TRHDE: variants seen among roughly 807,000 people sequenced by gnomAD.
The protein encoded by TRHDE is thyrotropin-releasing hormone-degrading ectoenzyme.
A neutral mutation model predicts 125.7 loss-of-function variants in TRHDE; 72 were observed. The observed-to-expected ratio is 0.57, with a 90% confidence interval of 0.47 to 0.70. The LOEUF (loss-of-function observed/expected upper bound fraction) is 0.70, where lower values mean the gene tolerates loss of function less well. Ranked by LOEUF, TRHDE falls within the 30% of genes least tolerant of loss-of-function variation. The pLI is 0.00. For synonymous variants in TRHDE, 509 were observed against 509.1 expected (o/e 1.00, Z 0.00); for missense variants, 1,110 against 1,327.1 (o/e 0.84, Z 2.54).
intron 3 of TRHDE, among the ~76,000 whole-genome samples, chr12:72,407,411 C>T (rs1014886039): frequency 2.0e-5 from 3 of 152,126 alleles, no homozygotes; most frequent in Non-Finnish European, 4.4e-5. Context: ...CAGCAAGAGA[C>T]GTGGAGCATT....
chr12:72,164,066 C>T lies in TRHDE; in HGVS notation n.279+58314C>T, dbSNP rs74418480. ...GTGGAGGTTGCAGTGAGCAGAGATC[C>T]GCCACTGCACTCCATCCTGGGTAAC... On this transcript the variant is annotated intron_variant and non_coding_transcript_variant, in intron 2 of 4. Transcript: ENST00000548156. 1.6e-3 allele frequency among the ~76,000 whole-genome samples: 244 copies of T among 152,188 alleles called. 3 individuals are homozygous for T. In the East Asian group the frequency reaches 0.03, roughly 19 times the overall value.
chr12:72,272,986 G>A lies in TRHDE; in HGVS notation c.343G>A (p.Ala115Thr), dbSNP rs1879304814. The A allele has an allele frequency of 6.4e-7, 1 of 1,554,552 alleles. No homozygotes were observed. The highest frequency in any genetic ancestry group is 2.4e-5 in the East Asian group (1 of 42,306). ...CAGCCTGCGCTTCGACGAGTGCGGG[G>A]CGAGTGCCACGCCAGGCGCCGACGG... The part of the protein sequence containing the change: ...LLSLRFDECG[A>T]SATPGADGGP... The change falls in exon 1 of 19, where the codon GCG (alanine) becomes ACG (threonine). Residue 115 changes from alanine to threonine, a missense_variant. Around this residue, in one of 5 missense-constraint regions of TRHDE, gnomAD observed 248 missense variants for 240.8 expected, o/e 1.03. Transcript: ENST00000261180. The surrounding 1 kb of genome is among the most constrained non-coding windows in gnomAD (Gnocchi z 6.7).
At chr12:72,443,633 A>G (rs1875129966) in intron 3 of TRHDE, among the ~76,000 whole-genome samples, 1 of 151,756 alleles carries the variant, frequency 6.6e-6, no homozygotes, top group African/African-American at 2.4e-5. Flanking sequence ...ATTAAGCTGT[A>G]TCTATTTTTC....
chr12:72,562,764 T>G, intron 8 of TRHDE, 89 bp from the exon 9 acceptor site: 1 of 814,430 alleles, frequency 1.2e-6, no homozygotes. Flanking sequence ...TTTAGGTAAA[T>G]AGTAAAAATA....
chr12:72,095,292 C>T (rs1874887618), intron 1 of TRHDE, among the ~76,000 whole-genome samples: 1 of 152,160 alleles, frequency 6.6e-6, no homozygotes, highest in South Asian at 2.1e-4. Context: ...ATTTAAATAG[C>T]ATAAAGGTTG....
chr12:72,324,462 A>G (rs968477663), intron 2 of TRHDE, among the ~76,000 whole-genome samples: 1 of 152,070 alleles, frequency 6.6e-6, no homozygotes, highest in Non-Finnish European at 1.5e-5. Flanking sequence ...AACGTCATGA[A>G]GGATATAAAA....
intron 12 of TRHDE, among the ~76,000 whole-genome samples, chr12:72,612,221 A>G (rs1193760523): frequency 6.6e-6 from 1 of 152,124 alleles, no homozygotes; most frequent in African/African-American, 2.4e-5. Context: ...GAATCTGTCA[A>G]CCTGTTCTCT....
intron 2 of TRHDE, among the ~76,000 whole-genome samples, chr12:72,220,086 C>T (rs567058945): frequency 6.6e-6 from 1 of 152,024 alleles, no homozygotes; most frequent in African/African-American, 2.4e-5. Flanking sequence ...ACTTTCAGAC[C>T]AGTTTAGGGT....
At chr12:72,250,028 A>G (rs1878647670) in intron 2 of TRHDE, among the ~76,000 whole-genome samples, 1 of 152,224 alleles carries the variant, frequency 6.6e-6, no homozygotes, top group African/African-American at 2.4e-5. Context: ...TATGCTGAAG[A>G]ATTTAAAGAA....
chr12:72,309,238 A>G (rs747795790), intron 2 of TRHDE, among the ~76,000 whole-genome samples: 34 of 152,190 alleles, frequency 2.2e-4, no homozygotes, highest in African/African-American at 5.1e-4. Context: ...TTTGAGAAAC[A>G]AAGAAGAGGT....
At chr12:72,307,426 TC>T (rs1183932643) in intron 2 of TRHDE, among the ~76,000 whole-genome samples, 1 of 150,700 alleles carries the variant, frequency 6.6e-6, no homozygotes, top group Non-Finnish European at 1.5e-5. Flanking sequence ...TCCACCCGCC[TC>T]CCAAAGTGCT....
At chr12:72,388,727 C>T (rs79220433) in intron 3 of TRHDE, among the ~76,000 whole-genome samples, 172 of 151,968 alleles carry the variant, frequency 1.1e-3, no homozygotes, top group Non-Finnish European at 2.1e-3. Flanking sequence ...TAAGGATCCC[C>T]GTAAAGGAAA....
At chr12:72,242,316 G>T (rs1467645160) in intron 2 of TRHDE, among the ~76,000 whole-genome samples, 2 of 151,936 alleles carry the variant, frequency 1.3e-5, no homozygotes, top group East Asian at 3.9e-4. Context: ...CCCTTTTTGC[G>T]GTTGGAAAGC....
chr12:72,145,725 A>G (rs189223309), intron 2 of TRHDE, among the ~76,000 whole-genome samples: 64 of 152,110 alleles, frequency 4.2e-4, no homozygotes, highest in Non-Finnish European at 2.9e-5. Context: ...TCTTTATGAA[A>G]ACCTCTTTCA....
intron 2 of TRHDE, among the ~76,000 whole-genome samples, chr12:72,118,355 T>A (rs574821059): frequency 1.3e-5 from 2 of 152,314 alleles, no homozygotes; most frequent in Admixed American, 1.3e-4. Flanking sequence ...TATATCACCT[T>A]GTTTGATTTA....
chr12:72,217,492 G>A lies in TRHDE; in HGVS notation n.279+111740G>A, dbSNP rs911471633. Among the ~76,000 whole-genome samples the A allele has an allele frequency of 2.0e-5, 3 of 152,094 alleles. No homozygotes were observed. In the South Asian group the frequency reaches 6.2e-4, roughly 31 times the overall value. On this transcript the variant is annotated intron_variant and non_coding_transcript_variant, in intron 2 of 4. Transcript: ENST00000548156. ...ATCTGACAGCACGTGAGAGTTCCTT[G>A]CATCTGTCAATCTCTTATTTGGTCA...
intron 5 of TRHDE, among the ~76,000 whole-genome samples, chr12:72,485,218 C>T (rs148699760): frequency 6.6e-6 from 1 of 152,266 alleles, no homozygotes; most frequent in African/African-American, 2.4e-5. Flanking sequence ...CCCCATGGCT[C>T]AAGTTGCTAC....
chr12:72,619,334 T>C (rs1872952648), intron 13 of TRHDE, among the ~76,000 whole-genome samples: 1 of 152,200 alleles, frequency 6.6e-6, no homozygotes, highest in East Asian at 1.9e-4. Flanking sequence ...TAGAGGGCTC[T>C]GTGTTCACAA....
chr12:72,627,827 C>T (rs1873324316), intron 15 of TRHDE, among the ~76,000 whole-genome samples: 1 of 151,098 alleles, frequency 6.6e-6, no homozygotes, highest in Non-Finnish European at 1.5e-5. Context: ...CCTACAGCCC[C>T]ACACCACCAC....
Sources: gnomAD v4.1 joint callset for allele counts (sites outside exome capture counted in the v4.1 genomes callset) on GRCh38, gnomAD v4.1.1 for gene constraint, gnomAD v4.1.1 regional missense constraint, Gnocchi (gnomAD v3.1) non-coding constraint, MANE v1.5 for transcripts, NCBI Gene and HGNC (gene_info 2026-07-23, HGNC 2026-07-21) for gene names.